The following LSAMP variants were observed in gnomAD, a reference collection of about 807,000 sequenced individuals.
LSAMP encodes the protein limbic system associated membrane protein.
LSAMP carries 7 observed loss-of-function variants against 38.6 expected under a neutral mutation model. The observed-to-expected ratio is 0.18, with a 90% CI of 0.10 to 0.34. LSAMP has a LOEUF of 0.34. Among genes scored for constraint, LSAMP ranks in the 10% least tolerant of loss-of-function variants. LSAMP has a pLI of 1.00. For synonymous variants in LSAMP, 154 were observed against 166.8 expected, an observed-to-expected ratio of 0.92 and a Z score of 0.59; for missense variants, 313 against 420.0, an observed-to-expected ratio of 0.75 and a Z score of 2.23.
chr3:116,217,974 A>C (rs2046240638), intron 1 of LSAMP, among the ~76,000 whole-genome samples: 1 of 152,134 alleles, frequency 6.6e-6, no homozygotes, highest in Non-Finnish European at 1.5e-5. Context: ...CCACATTTTT[A>C]AACTTGGTAT....
intron 3 of LSAMP, among the ~76,000 whole-genome samples, chr3:115,955,673 G>T (rs945340788): frequency 3.3e-5 from 5 of 152,154 alleles, no homozygotes; most frequent in African/African-American, 1.2e-4. Flanking sequence ...TGTGTTATCA[G>T]ATAAAACTTT....
chr3:116,244,581 T>A (rs987692834), intron 1 of LSAMP, among the ~76,000 whole-genome samples: 2 of 152,202 alleles, frequency 1.3e-5, no homozygotes, highest in African/African-American at 4.8e-5. Flanking sequence ...AACCTAAGCA[T>A]GCTATCTTCA....
chr3:116,218,604 G>A (rs536397949), intron 1 of LSAMP, among the ~76,000 whole-genome samples: 5 of 152,282 alleles, frequency 3.3e-5, no homozygotes, highest in African/African-American at 1.2e-4. Flanking sequence ...ATTACCAGGT[G>A]TTTCTCTACT....
At chr3:116,136,137 C>G (rs1363336654) in intron 1 of LSAMP, among the ~76,000 whole-genome samples, 3 of 152,074 alleles carry the variant, frequency 2.0e-5, no homozygotes, top group Non-Finnish European at 4.4e-5. Context: ...TTAAAACCAC[C>G]CATTTCTTTC....
At chr3:116,435,558 G>C (rs1302673596) in intron 1 of LSAMP, among the ~76,000 whole-genome samples, 2 of 152,252 alleles carry the variant, frequency 1.3e-5, no homozygotes, top group African/African-American at 4.8e-5. Flanking sequence ...TGTCCTGCGT[G>C]CCACACCAGA....
chr3:116,333,328 C>G (rs1275497740), intron 1 of LSAMP, among the ~76,000 whole-genome samples: 1 of 152,016 alleles, frequency 6.6e-6, no homozygotes, highest in African/African-American at 2.4e-5. Flanking sequence ...ATCATGAGGT[C>G]AGGAGTTCAA....
intron 3 of LSAMP, among the ~76,000 whole-genome samples, chr3:115,991,272 G>C (rs2107642792): frequency 6.6e-6 from 1 of 152,118 alleles, no homozygotes; most frequent in African/African-American, 2.4e-5. Context: ...TTGAGCATGA[G>C]ATGTGAACTG....
intron 3 of LSAMP, among the ~76,000 whole-genome samples, chr3:115,916,146 CA>C (rs557247684): frequency 8.4e-4 from 128 of 152,124 alleles, no homozygotes; most frequent in African/African-American, 2.9e-3. Flanking sequence ...TGCAAGCAGA[CA>C]AAGAAGGCCA....
intron 2 of LSAMP, among the ~76,000 whole-genome samples, 160 bp from the exon 3 acceptor site, chr3:116,019,800 C>G (rs1319417656): frequency 6.6e-6 from 1 of 152,144 alleles, no homozygotes; most frequent in Non-Finnish European, 1.5e-5. Context: ...ATCTGCTTAC[C>G]AAATCCATAA....
At chr3:116,010,162 C>T (rs796736069) in intron 3 of LSAMP, among the ~76,000 whole-genome samples, 38 of 152,304 alleles carry the variant, frequency 2.5e-4, no homozygotes, top group African/African-American at 8.2e-4. Context: ...AGTGATCCAC[C>T]CACCTTGGCC....
At chr3:116,360,106 T>A (rs1000733837) in intron 1 of LSAMP, 1 of 150,642 alleles carries the variant, frequency 6.6e-6, no homozygotes, top group African/African-American at 2.5e-5. Context: ...ACTGGGTTCA[T>A]CTCACTAGGG....
intron 1 of LSAMP, among the ~76,000 whole-genome samples, chr3:116,129,708 G>T (rs1486293479): frequency 6.6e-6 from 1 of 152,230 alleles, no homozygotes; most frequent in African/African-American, 2.4e-5. Context: ...CATTTGGCTT[G>T]GTCAGTGGAA....
chr3:116,177,173 C>T (rs1170059278), intron 1 of LSAMP, among the ~76,000 whole-genome samples: 1 of 152,052 alleles, frequency 6.6e-6, no homozygotes, highest in African/African-American at 2.4e-5. Flanking sequence ...CATTACATAC[C>T]TAAGGTGCAG....
intron 3 of LSAMP, among the ~76,000 whole-genome samples, chr3:115,998,791 G>C (rs918180923): frequency 6.6e-6 from 1 of 152,048 alleles, no homozygotes; most frequent in Non-Finnish European, 1.5e-5. Context: ...AGTCAGAACT[G>C]GAACCCAGTT....
At chr3:116,439,027 T>C (rs2049394019) in intron 1 of LSAMP, among the ~76,000 whole-genome samples, 1 of 152,180 alleles carries the variant, frequency 6.6e-6, no homozygotes, top group Admixed American at 6.5e-5. Flanking sequence ...CTTATCCAGT[T>C]AGGCATTGGT....
chr3:116,375,666 T>C (rs1181528366), intron 1 of LSAMP, among the ~76,000 whole-genome samples: 6 of 151,920 alleles, frequency 3.9e-5, no homozygotes, highest in African/African-American at 1.4e-4. Flanking sequence ...TAGATTTTAT[T>C]TGTAATATCT....
At chr3:115,888,677 CCTT>C (rs1274032464) in intron 3 of LSAMP, among the ~76,000 whole-genome samples, 1 of 151,916 alleles carries the variant, frequency 6.6e-6, no homozygotes, top group Non-Finnish European at 1.5e-5. Flanking sequence ...AGCTCATAAC[CCTT>C]CTTTTTGTTG....
In LSAMP at chr3:115,808,312, A is replaced by T. The variant is rs759206686; in HGVS notation, c.*2005T>A. On this transcript the variant is annotated 3_prime_UTR_variant, in exon 7 of 7. Transcript: ENST00000490035. ...TATTTGGCTCTGCAAGATTACATTC[A>T]AATATAATCTCAAAATAATTCTCTG... 1 of 151,906 alleles carries T rather than the reference A, an allele frequency of 6.6e-6. No homozygotes were observed. The highest frequency in any genetic ancestry group is 2.4e-5 in the African/African-American group (1 of 41,334). 9.4% of individuals were successfully genotyped at this position (151,906 alleles called of 1,614,324 possible).
chr3:116,267,388 G>C (rs2046905938), intron 1 of LSAMP, among the ~76,000 whole-genome samples: 1 of 152,114 alleles, frequency 6.6e-6, no homozygotes, highest in Admixed American at 6.5e-5. Flanking sequence ...TTATGTTGCT[G>C]TTTCCCCAGT....
Sources: allele counts gnomAD v4.1 joint callset (sites outside exome capture counted in the v4.1 genomes callset), GRCh38; gene constraint gnomAD v4.1.1; transcripts MANE v1.5; gene names NCBI Gene and HGNC (gene_info 2026-07-23, HGNC 2026-07-21).